PTPRN2: variants seen among roughly 807,000 people sequenced by gnomAD.
PTPRN2 encodes the protein protein tyrosine phosphatase receptor type N2.
PTPRN2 carries 74 observed loss-of-function variants against 118.8 expected under a neutral mutation model. That is an observed-to-expected ratio of 0.62 (90% confidence interval 0.52 to 0.76). The LOEUF is 0.76. Ranked by LOEUF, PTPRN2 falls within the 30% of genes least tolerant of loss-of-function variation. The pLI is 0.00. For missense variants in PTPRN2, 1,481 were observed against 1,394.4 expected (o/e 1.06, Z -0.99); for synonymous variants, 641 against 608.0 (o/e 1.05, Z -0.80).
At chr7:157,542,427 T>C (rs1355293523) in intron 22 of PTPRN2, among the ~76,000 whole-genome samples, 1 of 147,504 alleles carries the variant, frequency 6.8e-6, no homozygotes, top group Non-Finnish European at 1.5e-5. Context: ...TGAGAAATGA[T>C]CTTTAAAGGG....
At chr7:158,450,241 G>T (rs1243003954) in intron 2 of PTPRN2, among the ~76,000 whole-genome samples, 3 of 152,182 alleles carry the variant, frequency 2.0e-5, no homozygotes, top group Non-Finnish European at 4.4e-5. Context: ...CTCAATCACG[G>T]CCCAAAGGCC....
At chr7:158,453,127 A>G (rs1818206582) in intron 2 of PTPRN2, among the ~76,000 whole-genome samples, 1 of 137,356 alleles carries the variant, frequency 7.3e-6, no homozygotes, top group Admixed American at 7.1e-5. Flanking sequence ...AGGGTTGGCT[A>G]ACACAGCCTG....
intron 12 of PTPRN2, among the ~76,000 whole-genome samples, chr7:157,826,103 G>A (rs567771336): frequency 5.3e-5 from 8 of 151,750 alleles, no homozygotes; most frequent in African/African-American, 9.7e-5. Flanking sequence ...CACAATGAGC[G>A]CCATTTCCAC....
intron 11 of PTPRN2, among the ~76,000 whole-genome samples, chr7:158,075,908 C>T (rs145696986): frequency 2.6e-5 from 4 of 152,356 alleles, no homozygotes; most frequent in East Asian, 1.9e-4. Flanking sequence ...CAGCGGCCCA[C>T]GTGCAGCGGA....
At chr7:158,184,218 C>T (rs1824953609) in intron 5 of PTPRN2, among the ~76,000 whole-genome samples, 1 of 151,954 alleles carries the variant, frequency 6.6e-6, no homozygotes, top group Non-Finnish European at 1.5e-5. Flanking sequence ...TAATTTCTAC[C>T]TTAACACTAT....
chr7:157,723,469 T>A (rs1051089282), intron 12 of PTPRN2, among the ~76,000 whole-genome samples: 1 of 152,190 alleles, frequency 6.6e-6, no homozygotes. Context: ...CTCGGCCCCG[T>A]GCCCCTCTCC....
At chr7:158,298,344 G>A (rs1413414721) in intron 3 of PTPRN2, among the ~76,000 whole-genome samples, 1 of 152,136 alleles carries the variant, frequency 6.6e-6, no homozygotes, top group East Asian at 1.9e-4. Flanking sequence ...TATGACACAG[G>A]TTGAATATCC....
At chr7:158,139,197 G>C (rs1819132862) in intron 6 of PTPRN2, among the ~76,000 whole-genome samples, 2 of 152,204 alleles carry the variant, frequency 1.3e-5, no homozygotes, top group Admixed American at 6.5e-5. Context: ...TCGATGATTA[G>C]AGCGAGGAGA....
At chr7:157,565,450 A>C (rs221291) in intron 21 of PTPRN2, among the ~76,000 whole-genome samples, 1 of 152,254 alleles carries the variant, frequency 6.6e-6, no homozygotes, top group Non-Finnish European at 1.5e-5. Context: ...GGGATCATAC[A>C]GTGTCTGCTT....
At chr7:158,335,762 A>C (rs367754619) in intron 2 of PTPRN2, among the ~76,000 whole-genome samples, 965 of 3,586 alleles carry the variant, frequency 0.27, 399 homozygotes, top group African/African-American at 0.81. Flanking sequence ...TAAGAAGTGA[A>C]ACCTGCAGAC....
chr7:158,147,758 C>G (rs543413830), intron 6 of PTPRN2, among the ~76,000 whole-genome samples: 1 of 115,924 alleles, frequency 8.6e-6, no homozygotes, highest in African/African-American at 3.9e-5. Context: ...CTCAATGACA[C>G]CCCACCTCAC....
At position 158,166,974 on chromosome 7, in the gene PTPRN2, A is replaced by T; in HGVS notation, c.867T>A (p.Pro289=). The T allele has an allele frequency of 6.9e-7, 1 of 1,453,660 alleles. No individual in the cohort carries two copies. The highest frequency in any genetic ancestry group is 2.5e-5 in the East Asian group (1 of 39,840). The allele number at this position is 1,453,660 out of a possible 1,614,324, so 90.0% of individuals were successfully genotyped here. A position where few individuals can be genotyped will look rare whatever the true frequency, so the allele number is the denominator to read the frequency against. The change falls in exon 6 of 23, where the codon CCT becomes CCA. Residue 289 remains proline (P), a synonymous_variant. Transcript: ENST00000389418. ...GGTCTTCGGAATCTCCCAGAGGTGAAGGCCACTTCTGGGGGGCGGCTGGTG... is the reference window on the plus strand; with the variant it reads ...GGTCTTCGGAATCTCCCAGAGGTGATGGCCACTTCTGGGGGGCGGCTGGTG... ...LLAPAAPQKW[P]SPLGDSEDPS...
chr7:157,899,458 T>C (rs1177219592), intron 11 of PTPRN2, among the ~76,000 whole-genome samples: 3 of 152,236 alleles, frequency 2.0e-5, no homozygotes, highest in African/African-American at 4.8e-5. Flanking sequence ...GCAATTGACC[T>C]TGGCTTACGA....
At chr7:158,273,989 G>A (rs1405337895) in intron 3 of PTPRN2, among the ~76,000 whole-genome samples, 4 of 134,760 alleles carry the variant, frequency 3.0e-5, no homozygotes, top group African/African-American at 6.1e-5. Flanking sequence ...CAGACACAGG[G>A]AGCCGCAGAC....
At chr7:158,266,120 A>G (rs1311692413) in intron 3 of PTPRN2, among the ~76,000 whole-genome samples, 10 of 62,344 alleles carry the variant, frequency 1.6e-4, no homozygotes, top group East Asian at 1.1e-3. Context: ...GCTGCGGGGT[A>G]TTGTCTGGCA....
In PTPRN2 at chr7:157,868,255, C is replaced by T. The variant is rs1002810741; in HGVS notation, c.1788+30418G>A. Among the ~76,000 whole-genome samples the T allele has an allele frequency of 2.0e-5, 3 of 152,218 alleles. No individual in the cohort carries two copies. Among genetic ancestry groups the T allele is most frequent in the African/African-American group, 7.2e-5 (3 of 41,454 alleles). On this transcript the variant is annotated intron_variant, in intron 12 of 22. Coordinates refer to ENST00000389418, the MANE Select transcript of PTPRN2 (RefSeq NM_002847.5). The surrounding 1 kb of genome is among the most constrained non-coding windows in gnomAD (Gnocchi z 5.2). ...CCCATCGAGGTGGTGGGCTGGGACT[C>T]GGCAAGCCCATCTGAACAGGGCTCT... is the stretch of plus-strand genomic sequence containing the variant.
At chr7:158,241,442 AG>A (rs1265608444) in intron 3 of PTPRN2, among the ~76,000 whole-genome samples, 2 of 152,216 alleles carry the variant, frequency 1.3e-5, no homozygotes, top group Non-Finnish European at 2.9e-5. Flanking sequence ...TGAACCCAGG[AG>A]GCAAAGGTTG....
chr7:157,666,275 T>C (rs779926091), intron 13 of PTPRN2, among the ~76,000 whole-genome samples: 1 of 152,168 alleles, frequency 6.6e-6, no homozygotes, highest in Non-Finnish European at 1.5e-5. Context: ...TCCCTGCGTC[T>C]CAGTATAGCT....
chr7:157,762,110 G>A (rs372560088), intron 12 of PTPRN2, among the ~76,000 whole-genome samples: 16,882 of 150,286 alleles, frequency 0.11, 1,214 homozygotes, highest in African/African-American at 0.19. Flanking sequence ...GCTGGAGAGG[G>A]TGTGGAGAAA....
Sources: allele counts gnomAD v4.1 joint callset (sites outside exome capture counted in the v4.1 genomes callset), GRCh38; gene constraint gnomAD v4.1.1; non-coding constraint Gnocchi (gnomAD v3.1); transcripts MANE v1.5; gene names NCBI Gene and HGNC (gene_info 2026-07-23, HGNC 2026-07-21).